Variants in PLA2G4C observed in about 807,000 individuals in gnomAD.
The protein encoded by PLA2G4C is phospholipase A2 group IVC.
PLA2G4C carries 64 observed loss-of-function variants against 73.8 expected under a neutral mutation model. The observed-to-expected ratio is 0.87, with a 90% CI of 0.71 to 1.07. The LOEUF is 1.07. Among genes scored for constraint, PLA2G4C ranks in the 50% least tolerant of loss-of-function variants. The probability of loss-of-function intolerance (pLI) is 0.00; values close to 1 mark genes in which losing one functional copy is unlikely to be tolerated. For missense variants in PLA2G4C, 622 were observed against 665.4 expected (o/e 0.93, Z 0.72); for synonymous variants, 254 against 252.1 (o/e 1.01, Z -0.07).
intron 4 of PLA2G4C, among the ~76,000 whole-genome samples, chr19:48,100,914 A>C (rs1407276417): frequency 8.1e-6 from 1 of 123,186 alleles, no homozygotes; most frequent in African/African-American, 4.6e-5. Flanking sequence ...ACTCTATCTC[A>C]AAAAGAAAAA....
chr19:48,055,658 G>C lies in PLA2G4C; in HGVS notation c.1258-609C>G, dbSNP rs555798445. Among the ~76,000 whole-genome samples, 28 of 126,708 alleles carry C rather than the reference G, an allele frequency of 2.2e-4. No individual in the cohort carries two copies. The South Asian group carries it at 7.2e-3, about 32-fold the overall frequency. 83.1% of individuals were successfully genotyped at this position (126,708 alleles called of 152,430 possible). On this transcript the variant is annotated intron_variant, in intron 14 of 16. Transcript: ENST00000599921. ...AAGGTACTTTTCTTTTCTTATTTTT[G>C]AGGCAGAGTTTCACTCTTGTTGCCC...
chr19:48,100,603 TAAAA>T (rs745962740), intron 4 of PLA2G4C, among the ~76,000 whole-genome samples: 2 of 40,658 alleles, frequency 4.9e-5, no homozygotes, highest in Non-Finnish European at 7.9e-5. Context: ...TGACTCCATC[TAAAA>T]AAAAAAAAAA....
chr19:48,050,569 C>G (rs1967684702), intron 16 of PLA2G4C, among the ~76,000 whole-genome samples: 2 of 151,992 alleles, frequency 1.3e-5, no homozygotes, highest in Admixed American at 1.3e-4. Flanking sequence ...TCCAACTCTT[C>G]CCCTGGCTTC....
chr19:48,099,937 A>G (rs2031812993), intron 4 of PLA2G4C, 77 bp from the exon 5 acceptor site: 1 of 1,007,306 alleles, frequency 9.9e-7, no homozygotes, highest in Non-Finnish European at 1.5e-6. Context: ...GTGTGCAAGG[A>G]GGTCCTTCAC....
At chr19:48,075,478 A>G (rs1319570633) in intron 11 of PLA2G4C, among the ~76,000 whole-genome samples, 1 of 151,846 alleles carries the variant, frequency 6.6e-6, no homozygotes, top group Non-Finnish European at 1.5e-5. Context: ...TTGAGCTATC[A>G]TGCCTGGCAT....
chr19:48,073,409 A>G (rs913915136), intron 12 of PLA2G4C, among the ~76,000 whole-genome samples: 10 of 152,018 alleles, frequency 6.6e-5, no homozygotes, highest in African/African-American at 2.2e-4. Context: ...TTACCTGTCT[A>G]TTCTCCATCT....
At chr19:48,067,268 A>G (rs1968466896) in intron 13 of PLA2G4C, among the ~76,000 whole-genome samples, 1 of 151,876 alleles carries the variant, frequency 6.6e-6, no homozygotes, top group Non-Finnish European at 1.5e-5. Flanking sequence ...CCTGGGTTCA[A>G]ACGATTCTCC....
chr19:48,059,208 T>C (rs1429760207), intron 14 of PLA2G4C, among the ~76,000 whole-genome samples: 1 of 150,202 alleles, frequency 6.7e-6, no homozygotes, highest in Non-Finnish European at 1.5e-5. Flanking sequence ...GAGGTGGAGG[T>C]TGCAGTGAGC....
At chr19:48,081,926 T>C (rs1240563881) in intron 10 of PLA2G4C, among the ~76,000 whole-genome samples, 2 of 149,126 alleles carry the variant, frequency 1.3e-5, no homozygotes, top group East Asian at 4.0e-4. Context: ...ACTAAAAATA[T>C]AAAAATTAGC....
intron 4 of PLA2G4C, among the ~76,000 whole-genome samples, chr19:48,102,850 G>A (rs1473283112): frequency 6.6e-6 from 1 of 151,840 alleles, no homozygotes; most frequent in Non-Finnish European, 1.5e-5. Context: ...TCTGTGTGTC[G>A]CCCTCTCCAT....
chr19:48,090,207 C>A lies in PLA2G4C; in HGVS notation c.763+157G>T, dbSNP rs186824944. ...GTACTCTCATCCACTCTGTGGTCAT[C>A]CTGGCTGCCCAATTATATGAGAATA... On this transcript the variant is annotated intron_variant, in intron 8 of 16. Transcript: ENST00000599921. The A allele has an allele frequency of 3.3e-4, 215 of 643,254 alleles. 1 individual carries two copies. The African/African-American group carries it at 3.6e-3, about 11-fold the overall frequency. 39.8% of individuals were successfully genotyped at this position (643,254 alleles called of 1,614,324 possible).
intron 7 of PLA2G4C, 86 bp downstream of exon 7, chr19:48,095,378 T>G: frequency 7.8e-7 from 1 of 1,281,198 alleles, no homozygotes; most frequent in East Asian, 2.3e-5. Flanking sequence ...ATTTAAGAGC[T>G]GGGCAAACTA....
At chr19:48,056,617 G>A (rs1275809101) in intron 14 of PLA2G4C, among the ~76,000 whole-genome samples, 8 of 151,622 alleles carry the variant, frequency 5.3e-5, no homozygotes, top group Non-Finnish European at 5.9e-5. Flanking sequence ...TGGATCACGA[G>A]GTCAGGAGAT....
At chr19:48,071,477 T>C (rs1968656229) in intron 12 of PLA2G4C, among the ~76,000 whole-genome samples, 1 of 152,122 alleles carries the variant, frequency 6.6e-6, no homozygotes, top group Non-Finnish European at 1.5e-5. Context: ...TTTGCATTTT[T>C]AGTAGAGACA....
At chr19:48,083,743 G>A (rs1468904761) in intron 10 of PLA2G4C, among the ~76,000 whole-genome samples, 2 of 151,838 alleles carry the variant, frequency 1.3e-5, no homozygotes, top group Admixed American at 1.3e-4. Flanking sequence ...CACTGCGCCC[G>A]GCCCCTCATT....
intron 9 of PLA2G4C, 123 bp downstream of exon 9, chr19:48,088,563 A>G: frequency 1.4e-6 from 1 of 724,374 alleles, no homozygotes; most frequent in Non-Finnish European, 2.5e-6. Context: ...GAAATACCAG[A>G]TAAAGAATTC....
chr19:48,074,776 C>A lies in PLA2G4C; in HGVS notation c.997G>T (p.Glu333Ter). ...EKQEQPHEDP[E>*]RKGSLSNLMD... ...ACACTACACATGGTACCTTTCCTTTCGGGGTCCTCATGGGGCTGCTCCTGC... is the reference window on the plus strand; with the variant it reads ...ACACTACACATGGTACCTTTCCTTTAGGGGTCCTCATGGGGCTGCTCCTGC... Residue 333 changes from glutamate (E) to a stop codon, truncating the protein, a stop_gained, in exon 12 of 17, where the codon GAA becomes TAA. Coordinates refer to ENST00000599921, the MANE Select transcript of PLA2G4C (RefSeq NM_003706.3). LOFTEE classifies it high-confidence loss of function. The A allele has an allele frequency of 6.2e-7, 1 of 1,609,700 alleles. No individual in the cohort carries two copies. Among genetic ancestry groups the A allele is most frequent in the South Asian group, 1.1e-5 (1 of 90,978 alleles).
intron 10 of PLA2G4C, among the ~76,000 whole-genome samples, chr19:48,078,249 C>T (rs1365560278): frequency 1.3e-5 from 2 of 152,194 alleles, no homozygotes; most frequent in Non-Finnish European, 2.9e-5. Flanking sequence ...GACAAACCCA[C>T]AGCCAACATT....
Position 48,090,386 on chromosome 19 carries a change from T to A in PLA2G4C, c.741A>T (p.Glu247Asp). 1 of 1,612,574 alleles carries A rather than the reference T, an allele frequency of 6.2e-7. No homozygotes were observed. Reference protein sequence around the residue: ...GLWGSALGNTEVIREYIFDQL... With the variant: ...GLWGSALGNTDVIREYIFDQL... ...CACCAAAAATGTATTCCCTAATGAC[T>A]TCAGTGTTACCAAGAGCACTTCCCC... Residue 247 changes from glutamate to aspartate, a missense_variant, in exon 8 of 17, where the codon GAA becomes GAT. Glu to Asp is a conservative substitution (Grantham distance 45, BLOSUM62 2). Transcript: ENST00000599921.
Sources: gnomAD v4.1 joint callset for allele counts (sites outside exome capture counted in the v4.1 genomes callset) on GRCh38, gnomAD v4.1.1 for gene constraint, MANE v1.5 for transcripts, NCBI Gene and HGNC (gene_info 2026-07-23, HGNC 2026-07-21) for gene names.